The following ZNF438 variants were observed in gnomAD, a reference collection of about 807,000 sequenced individuals.
ZNF438 encodes the protein zinc finger protein 438.
In ZNF438, 25 loss-of-function variants were observed where a neutral mutation model predicts 38.0. That is an observed-to-expected ratio of 0.66 (90% CI 0.48 to 0.92). ZNF438 has a LOEUF of 0.92. Among genes scored for constraint, ZNF438 ranks in the 40% least tolerant of loss-of-function variants. ZNF438 has a pLI of 0.00. For synonymous variants in ZNF438, 372 were observed against 364.1 expected, an observed-to-expected ratio of 1.02 and a Z score of -0.25; for missense variants, 1,007 against 999.6, an observed-to-expected ratio of 1.01 and a Z score of -0.10.
intron 2 of ZNF438, among the ~76,000 whole-genome samples, chr10:30,933,240 T>G (rs2045886499): frequency 6.6e-6 from 1 of 152,126 alleles, no homozygotes; most frequent in Admixed American, 6.5e-5. Flanking sequence ...CAGCCAGGGG[T>G]GTTATAGGTT....
At chr10:30,917,848 T>C (rs1056034347) in intron 2 of ZNF438, among the ~76,000 whole-genome samples, 18 of 152,204 alleles carry the variant, frequency 1.2e-4, no homozygotes, top group African/African-American at 3.6e-4. Flanking sequence ...TTACAGTGAT[T>C]GCTTTCTACA....
At chr10:30,986,029 C>A (rs1017692835) in intron 1 of ZNF438, among the ~76,000 whole-genome samples, 2 of 152,078 alleles carry the variant, frequency 1.3e-5, no homozygotes, top group African/African-American at 2.4e-5. Flanking sequence ...CAATTGCCTA[C>A]GAATTCAGTA....
intron 1 of ZNF438, among the ~76,000 whole-genome samples, chr10:31,014,569 G>C (rs1474082812): frequency 6.6e-6 from 1 of 152,096 alleles, no homozygotes; most frequent in Non-Finnish European, 1.5e-5. Context: ...ACATGAGTTT[G>C]GTGGGGATCC....
exon 6 of ZNF438, chr10:30,845,528 T>C (rs765104669): frequency 6.2e-7 from 1 of 1,613,926 alleles, no homozygotes; most frequent in South Asian, 1.1e-5. Flanking sequence ...TGACTTCGTC[T>C]GCCTGGTTTA....
At chr10:30,971,327 CG>C (rs2050716444) in intron 1 of ZNF438, among the ~76,000 whole-genome samples, 1 of 152,074 alleles carries the variant, frequency 6.6e-6, no homozygotes, top group African/African-American at 2.4e-5. Context: ...AACATAACAA[CG>C]GAAGGCCATA....
chr10:31,011,569 T>C (rs1268109686), intron 1 of ZNF438, among the ~76,000 whole-genome samples: 1 of 152,176 alleles, frequency 6.6e-6, no homozygotes, highest in East Asian at 1.9e-4. Context: ...GGGTGCGGTA[T>C]AAGCCAAGGG....
intron 1 of ZNF438, among the ~76,000 whole-genome samples, chr10:31,002,925 C>T (rs1400069985): frequency 6.6e-6 from 1 of 152,168 alleles, no homozygotes; most frequent in Non-Finnish European, 1.5e-5. Flanking sequence ...CTAGTAGATA[C>T]CTTCTAAGTC....
chr10:30,971,596 T>C (rs1408852852), intron 1 of ZNF438, among the ~76,000 whole-genome samples: 1 of 152,190 alleles, frequency 6.6e-6, no homozygotes, highest in African/African-American at 2.4e-5. Context: ...AGAAAAATCA[T>C]AGTTTCTTCA....
rs186271709 is a variant in ZNF438 at position 30,994,006 on chromosome 10, G to C, written c.-192+37827C>G. Among the ~76,000 whole-genome samples, 4 of 152,336 alleles carry C rather than the reference G, an allele frequency of 2.6e-5. No individual in the cohort carries two copies. The East Asian group carries it at 7.7e-4, about 29-fold the overall frequency. The stretch of plus-strand genomic sequence containing the variant: ...TAATTTTTTCCTGTTCCTCCCTTTT[G>C]GAATGGCAATGTCTGTCCTACGCCT... On this transcript the variant is annotated intron_variant, in intron 1 of 5. Transcript: ENST00000413025.
At chr10:30,905,808 C>T (rs1285811951) in intron 3 of ZNF438, among the ~76,000 whole-genome samples, 1 of 152,126 alleles carries the variant, frequency 6.6e-6, no homozygotes, top group African/African-American at 2.4e-5. Context: ...CCACTTGTCC[C>T]AAGACTACTG....
chr10:30,976,740 T>TAA (rs11358833), intron 1 of ZNF438, among the ~76,000 whole-genome samples: 7 of 143,820 alleles, frequency 4.9e-5, no homozygotes, highest in African/African-American at 1.5e-4. Context: ...CTTTATTTAA[T>TAA]AAAAAAAAAA....
chr10:31,008,206 AAATAAT>A (rs575133128), intron 1 of ZNF438, among the ~76,000 whole-genome samples: 2 of 152,200 alleles, frequency 1.3e-5, no homozygotes, highest in South Asian at 2.1e-4. Context: ...AGTCAAATTG[AAATAAT>A]AATAATAATA....
At chr10:31,008,206 A>AAAT (rs575133128) in intron 1 of ZNF438, among the ~76,000 whole-genome samples, 1 of 152,200 alleles carries the variant, frequency 6.6e-6, no homozygotes, top group Non-Finnish European at 1.5e-5. Context: ...AGTCAAATTG[A>AAAT]AATAATAATA....
chr10:30,987,865 A>T (rs2053023336), intron 1 of ZNF438, among the ~76,000 whole-genome samples: 1 of 152,198 alleles, frequency 6.6e-6, no homozygotes, highest in Admixed American at 6.5e-5. Context: ...TGTTTAAGCC[A>T]CCCAGTATGT....
intron 3 of ZNF438, among the ~76,000 whole-genome samples, chr10:30,890,083 C>CAAAA (rs71863439): frequency 1.1e-5 from 1 of 93,376 alleles, no homozygotes. Flanking sequence ...TTGGCATTTC[C>CAAAA]AAAAAAAAAA....
intron 4 of ZNF438, among the ~76,000 whole-genome samples, chr10:30,868,621 T>C (rs772713070): frequency 2.0e-5 from 3 of 152,232 alleles, no homozygotes; most frequent in Non-Finnish European, 2.9e-5. Flanking sequence ...ATGCCTATCC[T>C]TTATTTTTGG....
chr10:30,845,373 T>A, exon 6 of ZNF438: 2 of 1,614,180 alleles, frequency 1.2e-6, no homozygotes, highest in Non-Finnish European at 1.7e-6. Context: ...CTGCACCAAC[T>A]CTTCCTGAGT....
chr10:31,006,895 A>T (rs1424874511), intron 1 of ZNF438, among the ~76,000 whole-genome samples: 1 of 151,960 alleles, frequency 6.6e-6, no homozygotes, highest in African/African-American at 2.4e-5. Flanking sequence ...GGTAAGGCGG[A>T]ATGAAGGTTG....
intron 1 of ZNF438, among the ~76,000 whole-genome samples, chr10:30,983,588 G>A (rs1313574676): frequency 6.6e-6 from 1 of 152,082 alleles, no homozygotes; most frequent in African/African-American, 2.4e-5. Flanking sequence ...TGAGATTTGG[G>A]CAGGGACACA....
Sources: allele counts gnomAD v4.1 joint callset (sites outside exome capture counted in the v4.1 genomes callset), GRCh38; gene constraint gnomAD v4.1.1; transcripts MANE v1.5; gene names NCBI Gene and HGNC (gene_info 2026-07-23, HGNC 2026-07-21).